The following ATP7A variants were observed in gnomAD, a reference collection of about 807,000 sequenced individuals.
The protein encoded by ATP7A is ATPase copper transporting alpha, also known as copper-transporting ATPase 1.
A neutral mutation model predicts 83.5 loss-of-function variants in ATP7A; 7 were observed. The ratio of observed to expected loss-of-function variants is 0.08; its 90% CI spans 0.05 to 0.16. ATP7A has a LOEUF of 0.16. ATP7A is among the 10% of genes least tolerant of loss of function. The probability of loss-of-function intolerance (pLI) is 1.00; values close to 1 mark genes in which losing one functional copy is unlikely to be tolerated. For synonymous variants in ATP7A, 354 were observed against 395.2 expected, an observed-to-expected ratio of 0.90 and a Z score of 1.24; for missense variants, 940 against 1,120.8, an observed-to-expected ratio of 0.84 and a Z score of 2.30.
intron 19 of ATP7A, among the ~76,000 whole-genome samples, chrX:78,042,014 A>T (rs1381823409): frequency 2.8e-5 from 3 of 105,854 alleles, no homozygotes; most frequent in African/African-American, 1.0e-4. Context: ...GCTACTCAGG[A>T]GGCTGAGGCA....
intron 21 of ATP7A, among the ~76,000 whole-genome samples, chrX:78,044,574 A>G (rs1348305341): frequency 9.0e-5 from 10 of 111,536 alleles, no homozygotes; most frequent in African/African-American, 3.3e-4. Flanking sequence ...GTCTTGTTAC[A>G]TAGTTGTGAT....
chrX:78,003,301 A>G (rs906048655), intron 6 of ATP7A, 65 bp downstream of exon 6: 23 of 1,033,866 alleles, frequency 2.2e-5, no homozygotes, highest in Non-Finnish European at 2.7e-5. Flanking sequence ...GGTTCAGAGA[A>G]GAGTTGTGAA....
intron 5 of ATP7A, among the ~76,000 whole-genome samples, chrX:77,999,292 C>T (rs1374853567): frequency 9.0e-6 from 1 of 111,164 alleles, no homozygotes; most frequent in Non-Finnish European, 1.9e-5. Flanking sequence ...CCACCACACA[C>T]GGCCCATAAA....
chrX:78,004,232 AC>A (rs201154027), intron 6 of ATP7A, among the ~76,000 whole-genome samples: 4,194 of 111,872 alleles, frequency 0.037, 118 homozygotes, highest in African/African-American at 0.1. Context: ...ATGTATGTGT[AC>A]TTACATATGT....
At chrX:77,991,222 T>TCTCCTTCCCCTCC (rs782134290) in intron 4 of ATP7A, among the ~76,000 whole-genome samples, 1 of 111,480 alleles carries the variant, frequency 9.0e-6, no homozygotes, top group African/African-American at 3.3e-5. Flanking sequence ...ATTGCCCATT[T>TCTCCTTCCCCTCC]CTCCTTCCCC....
intron 18 of ATP7A, 75 bp downstream of exon 18, chrX:78,039,057 C>A: frequency 9.4e-7 from 1 of 1,068,988 alleles, no homozygotes. Context: ...TTTGAGAGAC[C>A]TCTGAACTAT....
At chrX:78,022,145 G>A (rs782488492) in intron 14 of ATP7A, among the ~76,000 whole-genome samples, 5 of 111,561 alleles carry the variant, frequency 4.5e-5, no homozygotes, top group East Asian at 2.8e-4. Flanking sequence ...CCTTCAAAGT[G>A]TCTGCAGACC....
intron 15 of ATP7A, among the ~76,000 whole-genome samples, chrX:78,030,961 G>A (rs2077979950): frequency 9.0e-6 from 1 of 110,693 alleles, no homozygotes; most frequent in Admixed American, 9.6e-5. Context: ...AAAGTGCTGG[G>A]ATTATAGGCT....
At chrX:77,934,642 G>T (rs2077310291) in intron 1 of ATP7A, among the ~76,000 whole-genome samples, 1 of 110,452 alleles carries the variant, frequency 9.1e-6, no homozygotes, top group African/African-American at 3.3e-5. Context: ...CATCACATGA[G>T]GTCGGGGTGG....
rs781928048 is a variant in ATP7A at position 78,020,308 on chromosome X, C to T, written c.2691C>T (p.Asn897=). ...TGATTGCTGGTTCCATTAACCAGAA[C>T]GGGTCACTGCTTATCTGCGCAACAC... ...STVIAGSINQ[N]GSLLICATHV... The change falls in exon 13 of 23, where the codon AAC becomes AAT. Residue 897 remains asparagine, a synonymous_variant. Coordinates refer to ENST00000341514, the MANE Select transcript of ATP7A (RefSeq NM_000052.7). The T allele has an allele frequency of 9.9e-6, 12 of 1,209,818 alleles. No individual in the cohort carries two copies. Among genetic ancestry groups the T allele is most frequent in the East Asian group, 5.9e-5 (2 of 33,792 alleles).
intron 1 of ATP7A, among the ~76,000 whole-genome samples, chrX:77,959,701 C>A (rs898534738): frequency 8.9e-6 from 1 of 112,276 alleles, no homozygotes. Context: ...TATAAATATA[C>A]CACAACCAAT....
At chrX:77,962,667 C>T (rs782242283) in intron 1 of ATP7A, 29 of 378,642 alleles carry the variant, frequency 7.7e-5, no homozygotes, top group African/African-American at 1.8e-4. Flanking sequence ...GAGTTTAGGC[C>T]GGCCCGTTTT....
intron 14 of ATP7A, among the ~76,000 whole-genome samples, chrX:78,028,056 T>C (rs1477535735): frequency 2.7e-5 from 3 of 109,973 alleles, no homozygotes; most frequent in African/African-American, 9.9e-5. Flanking sequence ...AGGGTCTCGC[T>C]CTGTTGCCCA....
chrX:77,920,290 A>G (rs1233502545), intron 1 of ATP7A, among the ~76,000 whole-genome samples: 1 of 104,154 alleles, frequency 9.6e-6, no homozygotes, highest in Non-Finnish European at 2.0e-5. Flanking sequence ...ATCTCGGCTC[A>G]CTGCAAGCTC....
intron 1 of ATP7A, among the ~76,000 whole-genome samples, chrX:77,927,495 A>G (rs782342701): frequency 1.8e-5 from 2 of 111,627 alleles, no homozygotes; most frequent in East Asian, 2.8e-4. Flanking sequence ...TTCTGTATTG[A>G]TATTTAGGTT....
chrX:78,030,817 G>A (rs1045262798), intron 15 of ATP7A, among the ~76,000 whole-genome samples: 2 of 106,980 alleles, frequency 1.9e-5, no homozygotes, highest in Non-Finnish European at 3.8e-5. Context: ...TCAGCCTCCC[G>A]AGTAGCTGGG....
chrX:78,003,388 A>G, intron 6 of ATP7A, 152 bp downstream of exon 6: 2 of 551,860 alleles, frequency 3.6e-6, no homozygotes, highest in Admixed American at 6.4e-5. Flanking sequence ...ATCTAATGGT[A>G]CTCTTCAAGC....
intron 1 of ATP7A, among the ~76,000 whole-genome samples, chrX:77,940,528 AG>A (rs2077345989): frequency 9.0e-6 from 1 of 111,574 alleles, no homozygotes; most frequent in Non-Finnish European, 1.9e-5. Context: ...AAAGTACAAA[AG>A]GTACTAGAAG....
chrX:78,035,582 G>A lies in ATP7A; in HGVS notation c.3511+1761G>A, dbSNP rs191835859. 2.6e-4 allele frequency among the ~76,000 whole-genome samples: 29 copies of A among 110,201 alleles called. 1 individual carries two copies. The East Asian group carries it at 5.4e-3, about 21-fold the overall frequency. Reference sequence around the variant, plus strand: ...TATGGGACAAAGTCCAGTCTCTCTGGACTTTGTTTTAGATCTGTTCCCCAT... The same window carrying A: ...TATGGGACAAAGTCCAGTCTCTCTGAACTTTGTTTTAGATCTGTTCCCCAT... On this transcript the variant is annotated intron_variant, in intron 17 of 22. Transcript: ENST00000341514.
Sources: allele counts gnomAD v4.1 joint callset (sites outside exome capture counted in the v4.1 genomes callset), GRCh38; gene constraint gnomAD v4.1.1; transcripts MANE v1.5; gene names NCBI Gene and HGNC (gene_info 2026-07-23, HGNC 2026-07-21).